Variants in FSTL4 observed in about 807,000 individuals in gnomAD.
FSTL4 encodes the protein follistatin like 4, also known as follistatin-related protein 4.
Under a neutral mutation model 78.2 loss-of-function variants are expected in FSTL4, and 28 were observed. That is an observed-to-expected ratio of 0.36 (90% CI 0.27 to 0.49). FSTL4 has a LOEUF of 0.49. FSTL4 is among the 20% of genes least tolerant of loss of function. The pLI is 0.98. For missense variants in FSTL4, 922 were observed against 1,084.9 expected, an observed-to-expected ratio of 0.85 and a Z score of 2.11; for synonymous variants, 422 against 440.5, an observed-to-expected ratio of 0.96 and a Z score of 0.53.
chr5:133,290,300 G>A (rs1300873623), intron 6 of FSTL4, among the ~76,000 whole-genome samples: 1 of 152,256 alleles, frequency 6.6e-6, no homozygotes, highest in Non-Finnish European at 1.5e-5. Context: ...CTGCATCAGA[G>A]GGCACTCGCA....
chr5:133,305,377 T>C (rs1753632799), intron 6 of FSTL4, among the ~76,000 whole-genome samples: 1 of 152,198 alleles, frequency 6.6e-6, no homozygotes, highest in South Asian at 2.1e-4. Flanking sequence ...CTTTCTACCC[T>C]GGGTATTGCC....
At chr5:133,721,462 A>G in the FSTL4 span, among the ~76,000 whole-genome samples, 1 of 152,218 alleles carries the variant, frequency 6.6e-6, no homozygotes. Context: ...GTAGGGCAGT[A>G]CTAGTGGTGA....
the FSTL4 span, among the ~76,000 whole-genome samples, chr5:133,787,239 T>G: frequency 9.9e-5 from 15 of 152,212 alleles, no homozygotes; most frequent in African/African-American, 3.6e-4. Context: ...TATTTAGAAC[T>G]CAAATTTAAT....
the FSTL4 span, among the ~76,000 whole-genome samples, chr5:133,786,533 G>A: frequency 6.6e-6 from 1 of 152,174 alleles, no homozygotes; most frequent in Non-Finnish European, 1.5e-5. Flanking sequence ...AGCTGCATTA[G>A]GTGAAGGCAG....
chr5:133,293,096 C>G (rs2126870441), intron 6 of FSTL4, among the ~76,000 whole-genome samples: 2 of 152,382 alleles, frequency 1.3e-5, no homozygotes, highest in Middle Eastern at 3.4e-3. Flanking sequence ...TCCCGCCACT[C>G]CATCTCCACA....
chr5:133,354,288 C>G (rs144426535), intron 4 of FSTL4, among the ~76,000 whole-genome samples: 1 of 152,192 alleles, frequency 6.6e-6, no homozygotes, highest in Admixed American at 6.5e-5. Flanking sequence ...CATGAGCCAG[C>G]GCCATTTGGC....
At chr5:133,766,101 T>G in the FSTL4 span, among the ~76,000 whole-genome samples, 1 of 152,058 alleles carries the variant, frequency 6.6e-6, no homozygotes, top group Non-Finnish European at 1.5e-5. Flanking sequence ...GTGTAGGTGC[T>G]CAATAAATGC....
intron 3 of FSTL4, among the ~76,000 whole-genome samples, chr5:133,410,962 G>A (rs1206533038): frequency 2.0e-5 from 3 of 152,194 alleles, no homozygotes; most frequent in African/African-American, 7.2e-5. Flanking sequence ...CAGTGGCTGA[G>A]GCCTCTGACA....
the FSTL4 span, among the ~76,000 whole-genome samples, chr5:133,685,756 G>C: frequency 0.45 from 68,873 of 152,074 alleles, 15,881 homozygotes; most frequent in East Asian, 0.57. Context: ...GTGCTGGCAG[G>C]AGGCAGGCAG....
At chr5:133,555,168 T>G (rs1759763342) in intron 3 of FSTL4, among the ~76,000 whole-genome samples, 1 of 152,250 alleles carries the variant, frequency 6.6e-6, no homozygotes, top group Non-Finnish European at 1.5e-5. Flanking sequence ...TACCATTTCC[T>G]CCATACACAT....
chr5:133,647,531 C>T, the FSTL4 span, among the ~76,000 whole-genome samples: 1 of 152,166 alleles, frequency 6.6e-6, no homozygotes, highest in Non-Finnish European at 1.5e-5. Context: ...AGATAAGACC[C>T]TTTCTGGGGA....
rs901637273 is a variant in FSTL4, at chr5:133,612,131, C to T, written c.-11+194G>A. 1.4e-4 allele frequency among the ~76,000 whole-genome samples: 21 copies of T among 152,118 alleles called. No homozygotes were observed. The highest frequency in any genetic ancestry group is 4.8e-4 in the African/African-American group (20 of 41,556). Reference sequence around the variant, plus strand: ...GTAGCCCTGCCGAGCCCTGGCCCAGCGGTCCCTTCCCCGCGGGCAAACTTG... The same window carrying T: ...GTAGCCCTGCCGAGCCCTGGCCCAGTGGTCCCTTCCCCGCGGGCAAACTTG... On this transcript the variant is annotated intron_variant, in intron 1 of 15. Coordinates refer to ENST00000265342, the MANE Select transcript of FSTL4 (RefSeq NM_015082.2). The surrounding 1 kb of genome is among the most constrained non-coding windows in gnomAD (Gnocchi z 6.2).
chr5:133,767,604 C>T, the FSTL4 span, among the ~76,000 whole-genome samples: 1 of 152,094 alleles, frequency 6.6e-6, no homozygotes, highest in Admixed American at 6.5e-5. Context: ...GACCATAGTA[C>T]AAATGAGTCA....
At chr5:133,230,120 C>T (rs1015179486) in intron 8 of FSTL4, among the ~76,000 whole-genome samples, 1 of 152,312 alleles carries the variant, frequency 6.6e-6, no homozygotes, top group South Asian at 2.1e-4. Context: ...GGGTGGTACA[C>T]CGGCCCCTCA....
In FSTL4 at chr5:133,225,556, G is replaced by C. The variant is rs891617415; in HGVS notation, c.1177+102C>G. On this transcript the variant is annotated intron_variant, in intron 9 of 15. Coordinates refer to ENST00000265342, the MANE Select transcript of FSTL4 (RefSeq NM_015082.2). The surrounding 1 kb of genome is among the most constrained non-coding windows in gnomAD (Gnocchi z 4.6). ...GGAGCCATCTGTTCACTCCTAACCT[G>C]TCTGACTTATAAACAAATTATACCT... The C allele has an allele frequency of 7.8e-6, 9 of 1,156,006 alleles. No individual in the cohort carries two copies. The highest frequency in any genetic ancestry group is 3.1e-5 in the African/African-American group (2 of 64,880). 71.6% of individuals were successfully genotyped at this position (1,156,006 alleles called of 1,614,324 possible). A position where few individuals can be genotyped will look rare whatever the true frequency, so the allele number is the denominator to read the frequency against.
the FSTL4 span, among the ~76,000 whole-genome samples, chr5:133,668,990 T>C: frequency 1.3e-5 from 2 of 152,226 alleles, no homozygotes; most frequent in African/African-American, 4.8e-5. Flanking sequence ...AAGCAAATTA[T>C]GATATTAAAA....
At chr5:133,632,028 A>C in the FSTL4 span, among the ~76,000 whole-genome samples, 2 of 152,168 alleles carry the variant, frequency 1.3e-5, no homozygotes, top group Non-Finnish European at 2.9e-5. Context: ...GGATACCATT[A>C]GGAGAAATAC....
intron 4 of FSTL4, among the ~76,000 whole-genome samples, chr5:133,356,367 G>A (rs1389716131): frequency 1.3e-5 from 2 of 152,152 alleles, no homozygotes; most frequent in Non-Finnish European, 2.9e-5. Context: ...ACTGAACCTG[G>A]ATTTAGAGAT....
chr5:133,364,243 C>G (rs1755130574), intron 4 of FSTL4, among the ~76,000 whole-genome samples: 1 of 152,056 alleles, frequency 6.6e-6, no homozygotes, highest in Admixed American at 6.6e-5. Context: ...TTCTGAAAGT[C>G]CAGGTCTCCA....
Sources: allele counts gnomAD v4.1 joint callset (sites outside exome capture counted in the v4.1 genomes callset), GRCh38; gene constraint gnomAD v4.1.1; non-coding constraint Gnocchi (gnomAD v3.1); transcripts MANE v1.5; gene names NCBI Gene and HGNC (gene_info 2026-07-23, HGNC 2026-07-21).